CTNND2: variants seen among roughly 807,000 people sequenced by gnomAD.
CTNND2 encodes the protein catenin delta 2, also known as catenin delta-2.
CTNND2 carries 22 observed loss-of-function variants against 144.4 expected under a neutral mutation model. That is an observed-to-expected ratio of 0.15 (90% confidence interval 0.11 to 0.22). The LOEUF is 0.22. Ranked by LOEUF, CTNND2 falls within the 10% of genes least tolerant of loss-of-function variation. The pLI is 1.00. For synonymous variants in CTNND2, 751 were observed against 695.6 expected (o/e 1.08, Z -1.25); for missense variants, 1,353 against 1,618.8 (o/e 0.84, Z 2.82).
At position 11,529,022 on chromosome 5, in the gene CTNND2, A is replaced by G. The variant is rs115542806; in HGVS notation, c.287+35922T>C. Among the ~76,000 whole-genome samples, 1,289 of 152,328 alleles carry G rather than the reference A, an allele frequency of 8.5e-3. 21 individuals carry two copies. Among genetic ancestry groups the G allele is most frequent in the African/African-American group, 0.029 (1,224 of 41,568 alleles). On this transcript the variant is annotated intron_variant, in intron 3 of 21. Transcript: ENST00000304623. ...TGAAAATATGTGGGAAGGGAACCCC[A>G]GGATCACAGTGTGCTAACCAGGACA...
chr5:11,740,355 G>C (rs1787932924), intron 1 of CTNND2, among the ~76,000 whole-genome samples: 1 of 152,056 alleles, frequency 6.6e-6, no homozygotes, highest in African/African-American at 2.4e-5. Context: ...TAGACCAATG[G>C]AACAGAACAG....
chr5:11,805,360 A>C (rs915809369), intron 1 of CTNND2, among the ~76,000 whole-genome samples: 1 of 152,038 alleles, frequency 6.6e-6, no homozygotes, highest in Non-Finnish European at 1.5e-5. Context: ...AAACAAGGAC[A>C]CTCCACTAGC....
intron 2 of CTNND2, among the ~76,000 whole-genome samples, chr5:11,659,364 C>T (rs1783069170): frequency 1.3e-5 from 2 of 152,022 alleles, no homozygotes; most frequent in South Asian, 4.1e-4. Flanking sequence ...CCTCAAATAC[C>T]AAGGGCGTAT....
intron 1 of CTNND2, among the ~76,000 whole-genome samples, chr5:11,849,224 C>G (rs1257689131): frequency 6.6e-6 from 1 of 152,076 alleles, no homozygotes; most frequent in Non-Finnish European, 1.5e-5. Flanking sequence ...CTTATAAAAC[C>G]ATCAGATCTC....
chr5:11,857,939 C>G (rs1795328114), intron 1 of CTNND2, among the ~76,000 whole-genome samples: 1 of 152,172 alleles, frequency 6.6e-6, no homozygotes, highest in Non-Finnish European at 1.5e-5. Flanking sequence ...GAAAAGAGAA[C>G]TTTTCAGATA....
chr5:11,828,754 T>A (rs1793735144), intron 1 of CTNND2, among the ~76,000 whole-genome samples: 1 of 152,094 alleles, frequency 6.6e-6, no homozygotes, highest in Non-Finnish European at 1.5e-5. Context: ...CACAGTAAAT[T>A]GGTACCAGGA....
rs550985339 is a variant in CTNND2, at chr5:11,372,278, C to T, written c.1178-7388G>A. 7.9e-5 allele frequency among the ~76,000 whole-genome samples: 12 copies of T among 152,328 alleles called. No homozygotes were observed. The South Asian group carries it at 2.5e-3, about 32-fold the overall frequency. ...GATCTCATCCCTAGAAAAGTATATG[C>T]CCCTTGTTCCTGTACTTTCTTTTTA... On this transcript the variant is annotated intron_variant, in intron 7 of 21. Transcript: ENST00000304623.
intron 16 of CTNND2, among the ~76,000 whole-genome samples, chr5:11,047,262 T>G (rs1431951737): frequency 1.3e-5 from 2 of 152,162 alleles, no homozygotes; most frequent in Non-Finnish European, 2.9e-5. Context: ...TCCAGGAGGA[T>G]GATGTCACAG....
intron 9 of CTNND2, among the ~76,000 whole-genome samples, chr5:11,257,854 A>G (rs897883924): frequency 6.6e-6 from 1 of 152,172 alleles, no homozygotes; most frequent in Non-Finnish European, 1.5e-5. Flanking sequence ...GCTCTGCAAT[A>G]CTGCACTTAT....
chr5:11,408,922 A>G (rs575647810), intron 5 of CTNND2, among the ~76,000 whole-genome samples: 78 of 152,010 alleles, frequency 5.1e-4, no homozygotes, highest in African/African-American at 1.8e-3. Context: ...ATCTTTGACT[A>G]TTTTACTTTA....
intron 9 of CTNND2, among the ~76,000 whole-genome samples, chr5:11,339,516 CTG>C (rs1460303439): frequency 6.6e-6 from 1 of 152,180 alleles, no homozygotes; most frequent in Non-Finnish European, 1.5e-5. Context: ...GCCTCCAGAA[CTG>C]TGAGATGATA....
chr5:10,992,483 G>A (rs950412104), intron 19 of CTNND2, 68 bp downstream of exon 19: 4 of 1,607,394 alleles, frequency 2.5e-6, no homozygotes, highest in Non-Finnish European at 3.4e-6. Flanking sequence ...TTGGCTCACG[G>A]ACTGGGAAGG....
chr5:11,373,151 G>A (rs186433929), intron 7 of CTNND2, among the ~76,000 whole-genome samples: 19 of 152,322 alleles, frequency 1.2e-4, no homozygotes, highest in East Asian at 7.7e-4. Context: ...ACAGTTGTCC[G>A]GGCCCCACAC....
intron 11 of CTNND2, among the ~76,000 whole-genome samples, chr5:11,199,060 G>A (rs551432796): frequency 1.3e-5 from 2 of 152,302 alleles, no homozygotes; most frequent in South Asian, 4.1e-4. Context: ...TAAGCCGTCT[G>A]TTGTTAAACA....
chr5:11,194,872 A>C (rs1736695063), intron 11 of CTNND2, among the ~76,000 whole-genome samples: 1 of 152,244 alleles, frequency 6.6e-6, no homozygotes, highest in African/African-American at 2.4e-5. Flanking sequence ...TTTTCTTTTA[A>C]AGAGATGATA....
chr5:11,253,739 A>T (rs1166130370), intron 9 of CTNND2, among the ~76,000 whole-genome samples: 1 of 152,202 alleles, frequency 6.6e-6, no homozygotes, highest in African/African-American at 2.4e-5. Context: ...CTATTTGTTG[A>T]TGCAATAAAT....
At chr5:11,855,734 A>C (rs1795221664) in intron 1 of CTNND2, among the ~76,000 whole-genome samples, 1 of 152,170 alleles carries the variant, frequency 6.6e-6, no homozygotes, top group African/African-American at 2.4e-5. Flanking sequence ...AGGCATTCAC[A>C]TCACCTGGCA....
intron 2 of CTNND2, among the ~76,000 whole-genome samples, chr5:11,686,068 T>C (rs1312969974): frequency 1.3e-5 from 2 of 152,088 alleles, no homozygotes; most frequent in East Asian, 3.9e-4. Context: ...TAGCTGGGTA[T>C]GGTGACATGT....
chr5:11,378,644 G>A (rs1758168493), intron 7 of CTNND2, among the ~76,000 whole-genome samples: 2 of 152,172 alleles, frequency 1.3e-5, no homozygotes, highest in South Asian at 4.1e-4. Flanking sequence ...AGGAGCAGCA[G>A]GAGCCAGATA....
Sources: gnomAD v4.1 joint callset for allele counts (sites outside exome capture counted in the v4.1 genomes callset) on GRCh38, gnomAD v4.1.1 for gene constraint, MANE v1.5 for transcripts, NCBI Gene and HGNC (gene_info 2026-07-23, HGNC 2026-07-21) for gene names.